Variants in TNPO3 observed in about 807,000 individuals in gnomAD.
TNPO3 encodes the protein transportin-3.
In TNPO3, 65 loss-of-function variants were observed where a neutral mutation model predicts 122.8. That is an observed-to-expected ratio of 0.53 (90% CI 0.43 to 0.65). The LOEUF (loss-of-function observed/expected upper bound fraction) is 0.65, where lower values mean the gene tolerates loss of function less well. Ranked by LOEUF, TNPO3 falls within the 30% of genes least tolerant of loss-of-function variation. TNPO3 has a pLI of 0.00. For missense variants in TNPO3, 850 were observed against 1,136.7 expected, an observed-to-expected ratio of 0.75 and a Z score of 3.63; for synonymous variants, 372 against 411.2, an observed-to-expected ratio of 0.90 and a Z score of 1.15.
chr7:129,033,097 G>A (rs1057287859), intron 1 of TNPO3, among the ~76,000 whole-genome samples: 1 of 152,048 alleles, frequency 6.6e-6, no homozygotes, highest in Admixed American at 6.6e-5. Context: ...ATGGTGCTAG[G>A]AAAACTGAAT....
intron 13 of TNPO3, among the ~76,000 whole-genome samples, chr7:128,982,649 GTA>G (rs1563092879): frequency 6.6e-6 from 1 of 151,672 alleles, no homozygotes; most frequent in East Asian, 1.9e-4. Context: ...AATATAGATT[GTA>G]TATATGTTAT....
At chr7:129,032,517 AGTT>A (rs1300105258) in intron 1 of TNPO3, among the ~76,000 whole-genome samples, 1 of 152,224 alleles carries the variant, frequency 6.6e-6, no homozygotes, top group African/African-American at 2.4e-5. Flanking sequence ...AATTTGGCAA[AGTT>A]GCAGGTCACA....
chr7:129,018,515 T>C (rs1038871487), intron 1 of TNPO3, among the ~76,000 whole-genome samples: 7 of 152,340 alleles, frequency 4.6e-5, no homozygotes, highest in Middle Eastern at 3.4e-3. Flanking sequence ...TCCTAATCTA[T>C]GGCTGCATGT....
Position 129,054,727 on chromosome 7 carries a change from A to G in TNPO3, c.44T>C (p.Val15Ala), listed in dbSNP as rs794726936. ...KPTLQLVYQAVQALYHDPDPS... is the reference protein window; with the variant it reads ...KPTLQLVYQAAQALYHDPDPS... ...ATCTGGGTCGTGGTAAAGCGCCTGC[A>G]CTGCCTGGTACACGAGCTGCAATGT... is the stretch of plus-strand genomic sequence containing the variant. Residue 15 changes from valine (V) to alanine (A), a missense_variant, in exon 1 of 23, where the codon GTG becomes GCG. Coordinates refer to ENST00000265388, the MANE Select transcript of TNPO3 (RefSeq NM_012470.4). The G allele has an allele frequency of 6.2e-7, 1 of 1,614,190 alleles. No individual in the cohort carries two copies. The highest frequency in any genetic ancestry group is 8.5e-7 in the Non-Finnish European group (1 of 1,180,020).
chr7:128,978,543 C>G (rs1799309940), intron 16 of TNPO3, among the ~76,000 whole-genome samples: 1 of 152,170 alleles, frequency 6.6e-6, no homozygotes, highest in South Asian at 2.1e-4. Context: ...GGCTGTTTCC[C>G]TTATAGACAA....
chr7:129,026,667 G>C (rs758717466), intron 1 of TNPO3, among the ~76,000 whole-genome samples: 1 of 152,142 alleles, frequency 6.6e-6, no homozygotes, highest in Non-Finnish European at 1.5e-5. Flanking sequence ...GTCTCCCAAA[G>C]TGCTGGGATT....
chr7:128,975,991 T>TA, intron 16 of TNPO3, 56 bp from the exon 17 acceptor site: 1 of 1,218,374 alleles, frequency 8.2e-7, no homozygotes, highest in Middle Eastern at 2.0e-4. Flanking sequence ...AGTACCAACT[T>TA]ACGAAGCTGT....
At chr7:129,010,500 T>C (rs563980214) in intron 4 of TNPO3, among the ~76,000 whole-genome samples, 2 of 152,316 alleles carry the variant, frequency 1.3e-5, no homozygotes, top group South Asian at 4.1e-4. Context: ...GTAGGGATTA[T>C]CTACTGGAAT....
At chr7:128,991,925 GA>G (rs1253996457) in intron 10 of TNPO3, 73 bp downstream of exon 10, 3,309 of 991,872 alleles carry the variant, frequency 3.3e-3, no homozygotes, top group South Asian at 4.2e-3. Flanking sequence ...TACCATATAA[GA>G]AAAAAAAAAT....
At chr7:129,038,283 C>G (rs923619044) in intron 1 of TNPO3, among the ~76,000 whole-genome samples, 3 of 152,022 alleles carry the variant, frequency 2.0e-5, no homozygotes, top group Non-Finnish European at 4.4e-5. Flanking sequence ...AAAATGAAAG[C>G]ATTCGACACC....
chr7:129,008,190 G>A (rs933356571), intron 4 of TNPO3, among the ~76,000 whole-genome samples: 3 of 151,426 alleles, frequency 2.0e-5, no homozygotes, highest in African/African-American at 7.3e-5. Flanking sequence ...AAAGAACTAA[G>A]AGCCCTTGCT....
intron 1 of TNPO3, 121 bp from the exon 2 acceptor site, chr7:129,018,278 G>T: frequency 1.0e-6 from 1 of 958,252 alleles, no homozygotes; most frequent in Non-Finnish European, 1.5e-6. Context: ...AATCTGACAA[G>T]CTAAATTACC....
At chr7:128,959,023 G>A (rs748913474) in intron 21 of TNPO3, among the ~76,000 whole-genome samples, 12 of 152,154 alleles carry the variant, frequency 7.9e-5, no homozygotes, top group African/African-American at 2.9e-4. Flanking sequence ...AAAAAAGAAA[G>A]AAAATGAGAA....
chr7:129,001,299 C>T, intron 5 of TNPO3, 65 bp from the exon 6 acceptor site: 2 of 1,385,728 alleles, frequency 1.4e-6, no homozygotes, highest in Non-Finnish European at 2.0e-6. Flanking sequence ...TACAGTTGGC[C>T]CTGCACACCC....
At chr7:128,975,462 C>T (rs1321261676) in intron 17 of TNPO3, among the ~76,000 whole-genome samples, 1 of 152,142 alleles carries the variant, frequency 6.6e-6, no homozygotes, top group Non-Finnish European at 1.5e-5. Context: ...CTCCCTGCTG[C>T]TAAGTAAACT....
chr7:129,042,349 A>T (rs1235670941), intron 1 of TNPO3, among the ~76,000 whole-genome samples: 1 of 152,214 alleles, frequency 6.6e-6, no homozygotes, highest in African/African-American at 2.4e-5. Flanking sequence ...GGGAAGGAAG[A>T]CTACATCAGA....
chr7:129,037,686 C>G (rs1287060425), intron 1 of TNPO3, among the ~76,000 whole-genome samples: 1 of 152,110 alleles, frequency 6.6e-6, no homozygotes, highest in Non-Finnish European at 1.5e-5. Flanking sequence ...GAACCCTTCC[C>G]TGAACAAAAG....
chr7:128,992,558 A>G (rs1038644404), intron 9 of TNPO3, among the ~76,000 whole-genome samples: 5 of 152,280 alleles, frequency 3.3e-5, no homozygotes, highest in Admixed American at 2.6e-4. Context: ...ACCTATCACA[A>G]TACTGTATCC....
At chr7:128,980,378 C>T (rs540310482) in intron 14 of TNPO3, among the ~76,000 whole-genome samples, 16 of 152,242 alleles carry the variant, frequency 1.1e-4, no homozygotes, top group Non-Finnish European at 1.0e-4. Flanking sequence ...GAGGCCAAGG[C>T]GGGTAGATCA....
Sources: gnomAD v4.1 joint callset for allele counts (sites outside exome capture counted in the v4.1 genomes callset) on GRCh38, gnomAD v4.1.1 for gene constraint, MANE v1.5 for transcripts, NCBI Gene and HGNC (gene_info 2026-07-23, HGNC 2026-07-21) for gene names.